The following EYS variants were observed in gnomAD, a reference collection of about 807,000 sequenced individuals.
EYS encodes EGF-like photoreceptor maintenance factor, also known as protein eyes shut homolog.
A neutral mutation model predicts 282.1 loss-of-function variants in EYS; 250 were observed. That is an observed-to-expected ratio of 0.89 (90% CI 0.80 to 0.98). EYS has a LOEUF of 0.98. Ranked by LOEUF, EYS falls within the 50% of genes least tolerant of loss-of-function variation. The pLI is 0.00. For synonymous variants in EYS, 1,355 were observed against 1,282.9 expected (o/e 1.06, Z -1.20); for missense variants, 4,016 against 3,709.0 (o/e 1.08, Z -2.15).
intron 31 of EYS, among the ~76,000 whole-genome samples, chr6:64,135,219 T>C (rs974033045): frequency 1.3e-5 from 2 of 151,960 alleles, no homozygotes; most frequent in African/African-American, 4.8e-5. Flanking sequence ...GTGCTTTTTT[T>C]TTTAACAGAA....
chr6:65,298,182 TA>T (rs1227379048), intron 11 of EYS, among the ~76,000 whole-genome samples: 4 of 152,064 alleles, frequency 2.6e-5, no homozygotes, highest in Non-Finnish European at 5.9e-5. Flanking sequence ...AGGTAGACTC[TA>T]AATTATATAT....
At chr6:64,392,242 C>A (rs1449219460) in intron 28 of EYS, among the ~76,000 whole-genome samples, 1 of 148,120 alleles carries the variant, frequency 6.8e-6, no homozygotes, top group Admixed American at 6.7e-5. Flanking sequence ...ACACGGATAC[C>A]CAGGAATTGA....
intron 9 of EYS, among the ~76,000 whole-genome samples, chr6:65,349,799 TAAG>T (rs950326582): frequency 6.6e-6 from 1 of 151,402 alleles, no homozygotes; most frequent in Non-Finnish European, 1.5e-5. Context: ...AAAAAACTAT[TAAG>T]AATAATAGTA....
rs76857114 is a variant in EYS, at chr6:64,172,169, T to C, written c.6424+58423A>G. ...GAGTTGATATCACCCCAGAAAAATA[T>C]GCATGCACAATTAAAGTATTGTACC... is the stretch of plus-strand genomic sequence containing the variant. On this transcript the variant is annotated intron_variant, in intron 31 of 42. Transcript: ENST00000503581. 7.1e-3 allele frequency among the ~76,000 whole-genome samples: 1,088 copies of C among 152,282 alleles called. 8 individuals carry two copies. The highest frequency in any genetic ancestry group is 0.013 in the South Asian group (61 of 4,824).
chr6:64,274,136 C>T (rs1410714663), intron 30 of EYS, among the ~76,000 whole-genome samples: 2 of 152,180 alleles, frequency 1.3e-5, no homozygotes, highest in African/African-American at 4.8e-5. Context: ...GGTCTATACG[C>T]TATGGCCCTG....
intron 8 of EYS, among the ~76,000 whole-genome samples, chr6:65,377,234 C>A (rs1275858165): frequency 1.3e-5 from 2 of 152,102 alleles, no homozygotes; most frequent in East Asian, 3.9e-4. Context: ...TTACTCAAAA[C>A]CACACAATTT....
intron 28 of EYS, among the ~76,000 whole-genome samples, chr6:64,394,787 T>A (rs1773299035): frequency 6.6e-6 from 1 of 152,066 alleles, no homozygotes; most frequent in Admixed American, 6.6e-5. Context: ...AAATGGGATC[T>A]AATTAAACTA....
chr6:64,271,697 A>C (rs1376514509), intron 30 of EYS, among the ~76,000 whole-genome samples: 1 of 106,514 alleles, frequency 9.4e-6, no homozygotes, highest in African/African-American at 3.6e-5. Context: ...GTGGGATCAA[A>C]TTTTGTATTT....
At chr6:65,483,704 T>C (rs1765683003) in intron 5 of EYS, among the ~76,000 whole-genome samples, 1 of 152,136 alleles carries the variant, frequency 6.6e-6, no homozygotes, top group Non-Finnish European at 1.5e-5. Context: ...TATTAGTTCA[T>C]TTTCATGCTG....
At chr6:64,176,206 T>C (rs1764629432) in intron 31 of EYS, among the ~76,000 whole-genome samples, 1 of 151,994 alleles carries the variant, frequency 6.6e-6, no homozygotes, top group Non-Finnish European at 1.5e-5. Context: ...AGTCAGGGGC[T>C]TAGAGGACTG....
intron 33 of EYS, among the ~76,000 whole-genome samples, chr6:64,041,726 G>A (rs1770399422): frequency 6.6e-6 from 1 of 152,024 alleles, no homozygotes; most frequent in African/African-American, 2.4e-5. Flanking sequence ...TACTGAATAG[G>A]AATAAAACTG....
chr6:65,309,797 T>C (rs1769106797), intron 11 of EYS, among the ~76,000 whole-genome samples: 1 of 152,210 alleles, frequency 6.6e-6, no homozygotes, highest in South Asian at 2.1e-4. Context: ...TTACTGCCAA[T>C]TTAGCAGCAC....
intron 2 of EYS, among the ~76,000 whole-genome samples, chr6:65,566,820 T>G (rs1203825847): frequency 8.5e-5 from 13 of 152,098 alleles, no homozygotes; most frequent in Non-Finnish European, 1.9e-4. Flanking sequence ...GTTTAAAAAA[T>G]CATATCCAAA....
intron 22 of EYS, among the ~76,000 whole-genome samples, chr6:64,694,259 GA>G (rs1272686968): frequency 2.0e-5 from 3 of 152,152 alleles, no homozygotes; most frequent in Non-Finnish European, 4.4e-5. Flanking sequence ...TTTTATCCAT[GA>G]AGGAACATGG....
intron 5 of EYS, among the ~76,000 whole-genome samples, chr6:65,472,041 C>T (rs191730984): frequency 9.6e-4 from 146 of 152,058 alleles, no homozygotes; most frequent in African/African-American, 3.4e-3. Flanking sequence ...TTACTCAGTG[C>T]CTGAATAAAC....
At chr6:64,226,590 A>T (rs2150336023) in intron 31 of EYS, among the ~76,000 whole-genome samples, 1 of 152,254 alleles carries the variant, frequency 6.6e-6, no homozygotes, top group African/African-American at 2.4e-5. Flanking sequence ...ATGCAGCCAT[A>T]TAAAACAAAG....
At chr6:64,219,410 T>C (rs1207993131) in intron 31 of EYS, among the ~76,000 whole-genome samples, 1 of 152,236 alleles carries the variant, frequency 6.6e-6, no homozygotes, top group African/African-American at 2.4e-5. Context: ...GAAATTATTC[T>C]TGAGTACAAT....
intron 12 of EYS, among the ~76,000 whole-genome samples, chr6:65,179,331 G>GAAAAA (rs1562006992): frequency 1.3e-5 from 2 of 151,130 alleles, no homozygotes; most frequent in Non-Finnish European, 3.0e-5. Context: ...GACTAATAAA[G>GAAAAA]AAGAGAGAAG....
intron 28 of EYS, among the ~76,000 whole-genome samples, chr6:64,425,896 A>G (rs1774391810): frequency 6.6e-6 from 1 of 152,138 alleles, no homozygotes; most frequent in African/African-American, 2.4e-5. Flanking sequence ...AAGGAATGGA[A>G]AGTAGAGAAG....
Sources: allele counts gnomAD v4.1 joint callset (sites outside exome capture counted in the v4.1 genomes callset), GRCh38; gene constraint gnomAD v4.1.1; transcripts MANE v1.5; gene names NCBI Gene and HGNC (gene_info 2026-07-23, HGNC 2026-07-21).